The following CD226 variants were observed in gnomAD, a reference collection of about 807,000 sequenced individuals.
CD226 encodes the protein CD226 antigen.
Under a neutral mutation model 34.9 loss-of-function variants are expected in CD226, and 24 were observed. The observed-to-expected ratio is 0.69, with a 90% CI of 0.50 to 0.97. The LOEUF (loss-of-function observed/expected upper bound fraction) is 0.97, where lower values mean the gene tolerates loss of function less well. Among genes scored for constraint, CD226 ranks in the 50% least tolerant of loss-of-function variants. The pLI is 0.00. For synonymous variants in CD226, 148 were observed against 147.4 expected, an observed-to-expected ratio of 1.00 and a Z score of -0.03; for missense variants, 397 against 412.7, an observed-to-expected ratio of 0.96 and a Z score of 0.33.
chr18:69,947,153 C>A (rs1210011174), intron 1 of CD226, 84 bp from the exon 2 acceptor site: 2 of 1,160,438 alleles, frequency 1.7e-6, no homozygotes, highest in African/African-American at 3.1e-5. Flanking sequence ...AGACCTAGTG[C>A]ATTGAGATCA....
At chr18:69,881,813 C>T (rs746198263) in intron 3 of CD226, among the ~76,000 whole-genome samples, 17 of 152,214 alleles carry the variant, frequency 1.1e-4, no homozygotes, top group African/African-American at 2.2e-4. Context: ...GGCAGACCAC[C>T]GGAAATAATA....
chr18:69,927,360 C>T (rs993986197), intron 2 of CD226, among the ~76,000 whole-genome samples: 3 of 96,840 alleles, frequency 3.1e-5, no homozygotes, highest in African/African-American at 1.1e-4. Flanking sequence ...CAGACTAAGA[C>T]ACTACACACA....
intron 3 of CD226, among the ~76,000 whole-genome samples, chr18:69,890,829 C>T (rs535621739): frequency 1.3e-5 from 2 of 152,224 alleles, no homozygotes; most frequent in Admixed American, 6.5e-5. Flanking sequence ...ATCCCAGGAC[C>T]AGGTGGCTTC....
chr18:69,867,574 T>G (rs1019837583), intron 4 of CD226, among the ~76,000 whole-genome samples, 163 bp from the exon 5 acceptor site: 10 of 152,216 alleles, frequency 6.6e-5, no homozygotes, highest in African/African-American at 2.2e-4. Context: ...CTACAGTTTT[T>G]TTCATTTTCC....
intron 1 of CD226, among the ~76,000 whole-genome samples, chr18:69,954,084 ATTG>A (rs1484638436): frequency 2.6e-5 from 4 of 152,122 alleles, no homozygotes; most frequent in Non-Finnish European, 5.9e-5. Flanking sequence ...ATTTTTAAAA[ATTG>A]TTACTAGTGA....
chr18:69,911,508 T>A (rs2055324229), intron 2 of CD226, among the ~76,000 whole-genome samples: 2 of 152,070 alleles, frequency 1.3e-5, no homozygotes, highest in South Asian at 4.1e-4. Flanking sequence ...GACCTTAAAG[T>A]CCATGTTCAC....
chr18:69,929,157 T>C (rs942932545), intron 2 of CD226, among the ~76,000 whole-genome samples: 1 of 152,176 alleles, frequency 6.6e-6, no homozygotes, highest in African/African-American at 2.4e-5. Flanking sequence ...GCCTAGAAAA[T>C]GCTGCCAAGC....
chr18:69,923,367 G>A (rs1415315494), intron 2 of CD226, among the ~76,000 whole-genome samples: 1 of 152,130 alleles, frequency 6.6e-6, no homozygotes, highest in Admixed American at 6.5e-5. Flanking sequence ...TCAATGCAGG[G>A]CTGAAGTTCT....
intron 2 of CD226, among the ~76,000 whole-genome samples, chr18:69,906,768 C>T (rs549200773): frequency 4.3e-4 from 65 of 152,246 alleles, no homozygotes; most frequent in Non-Finnish European, 8.2e-4. Context: ...GCTTGGGTTT[C>T]GCTAAGCAAT....
chr18:69,900,503 C>G (rs552741548), intron 2 of CD226, among the ~76,000 whole-genome samples: 3 of 151,882 alleles, frequency 2.0e-5, no homozygotes, highest in Non-Finnish European at 4.4e-5. Flanking sequence ...GAGGCCGAGG[C>G]GGGCGGATCA....
intron 2 of CD226, among the ~76,000 whole-genome samples, chr18:69,897,803 A>G (rs1985386148): frequency 6.6e-6 from 1 of 152,170 alleles, no homozygotes; most frequent in Admixed American, 6.5e-5. Context: ...TTGAACTAGA[A>G]TATCATGGCT....
intron 4 of CD226, among the ~76,000 whole-genome samples, chr18:69,869,125 ACCATTTGAC>A (rs1983341726): frequency 6.6e-6 from 1 of 152,242 alleles, no homozygotes; most frequent in African/African-American, 2.4e-5. Flanking sequence ...AGACAGAAAT[ACCATTTGAC>A]CCAGCAGCGC....
Position 69,856,197 on chromosome 18 carries a change from A to G in CD226, c.*8117T>C, listed in dbSNP as rs1484784926. On this transcript the variant is annotated 3_prime_UTR_variant, in exon 6 of 6. Coordinates refer to ENST00000582621, the MANE Select transcript of CD226 (RefSeq NM_001303618.2). ...GCAGACAGAACAAGAAAGATTATCAAGAATAAAAGGGACATTACATGTGGT... is the reference window on the plus strand; with the variant it reads ...GCAGACAGAACAAGAAAGATTATCAGGAATAAAAGGGACATTACATGTGGT... 6.6e-6 allele frequency: 1 copy of G among 152,226 alleles called. No individual in the cohort carries two copies. Among genetic ancestry groups the G allele is most frequent in the East Asian group, 1.9e-4 (1 of 5,204 alleles). The allele number at this position is 152,226 out of a possible 1,614,324, so 9.4% of individuals were successfully genotyped here.
At chr18:69,907,148 T>G (rs917552910) in intron 2 of CD226, among the ~76,000 whole-genome samples, 1 of 152,190 alleles carries the variant, frequency 6.6e-6, no homozygotes, top group Non-Finnish European at 1.5e-5. Flanking sequence ...CCTGATGGGT[T>G]TCCCTGCGAA....
chr18:69,944,321 T>A, intron 2 of CD226, among the ~76,000 whole-genome samples: 1 of 152,192 alleles, frequency 6.6e-6, no homozygotes. Flanking sequence ...TTCCTTCCTC[T>A]GACTGAAAAC....
rs971015212 is a variant in CD226 at position 69,855,509 on chromosome 18, TGAAGAA to T, written c.*8799_*8804del. On this transcript the variant is annotated 3_prime_UTR_variant, in exon 6 of 6. Coordinates refer to ENST00000582621, the MANE Select transcript of CD226 (RefSeq NM_001303618.2). Reference sequence around the variant, plus strand: ...AGAATATTCAAGACTATGGAATAATTGAAGAAGAAGAAAGAATGGAGCAAAAGAATG... The same window carrying T: ...AGAATATTCAAGACTATGGAATAATTGAAGAAAGAATGGAGCAAAAGAATG... 3.9e-5 allele frequency: 6 copies of T among 152,194 alleles called. No homozygotes were observed. Among genetic ancestry groups the T allele is most frequent in the Middle Eastern group, 6.8e-3 (2 of 294 alleles). 9.4% of individuals were successfully genotyped at this position (152,194 alleles called of 1,614,324 possible).
At chr18:69,935,722 C>T (rs1248690587) in intron 2 of CD226, among the ~76,000 whole-genome samples, 3 of 152,174 alleles carry the variant, frequency 2.0e-5, no homozygotes. Flanking sequence ...TAGTTTCCAG[C>T]TATACTCACA....
chr18:69,927,284 G>A (rs570604830), intron 2 of CD226, among the ~76,000 whole-genome samples: 6 of 151,738 alleles, frequency 4.0e-5, no homozygotes, highest in African/African-American at 1.5e-4. Context: ...CCTCTAGAAC[G>A]GTGAGATATA....
chr18:69,932,309 A>G (rs1194544285), intron 2 of CD226, among the ~76,000 whole-genome samples: 4 of 152,220 alleles, frequency 2.6e-5, no homozygotes. Flanking sequence ...AGAATAGTGT[A>G]CATTTGTGAC....
Sources: allele counts gnomAD v4.1 joint callset (sites outside exome capture counted in the v4.1 genomes callset), GRCh38; gene constraint gnomAD v4.1.1; transcripts MANE v1.5; gene names NCBI Gene and HGNC (gene_info 2026-07-23, HGNC 2026-07-21).